SAMSN1: variants seen among roughly 807,000 people sequenced by gnomAD.
The protein encoded by SAMSN1 is SAM domain, SH3 domain and nuclear localization signals 1, also known as SAM domain-containing protein SAMSN-1.
Under a neutral mutation model 42.0 loss-of-function variants are expected in SAMSN1, and 31 were observed. That is an observed-to-expected ratio of 0.74 (90% confidence interval 0.55 to 1.00). The LOEUF is 1.00. SAMSN1 is among the 50% of genes least tolerant of loss of function. SAMSN1 has a pLI of 0.00. For synonymous variants in SAMSN1, 178 were observed against 151.9 expected, an observed-to-expected ratio of 1.17 and a Z score of -1.26; for missense variants, 464 against 439.4, an observed-to-expected ratio of 1.06 and a Z score of -0.50.
chr21:14,529,551 T>G (rs771321750), intron 1 of SAMSN1, among the ~76,000 whole-genome samples: 1 of 152,252 alleles, frequency 6.6e-6, no homozygotes, highest in Admixed American at 6.5e-5. Flanking sequence ...GTGGCTTCTA[T>G]GGCTCAACTT....
intron 1 of SAMSN1, among the ~76,000 whole-genome samples, chr21:14,528,765 C>T (rs1023580520): frequency 6.6e-6 from 1 of 152,130 alleles, no homozygotes; most frequent in African/African-American, 2.4e-5. Context: ...CAAATTCTTG[C>T]CCCTCTAATC....
At position 14,642,309 on chromosome 21, in the gene SAMSN1, T is replaced by C. The variant is rs150987698; in HGVS notation, c.156+693A>G. On this transcript the variant is annotated intron_variant, in intron 2 of 15. Coordinates refer to the SAMSN1 transcript ENST00000647101. ...TGTATAATGCAGAGAACTCTATCTC[T>C]AGTAATTTTAAAGATAATTCACAGA... 3.3e-5 allele frequency among the ~76,000 whole-genome samples: 5 copies of C among 152,332 alleles called. No individual in the cohort carries two copies. In the East Asian group the frequency reaches 9.6e-4, roughly 29 times the overall value.
chr21:14,513,912 C>T (rs1204757826), intron 3 of SAMSN1, among the ~76,000 whole-genome samples: 1 of 152,126 alleles, frequency 6.6e-6, no homozygotes, highest in African/African-American at 2.4e-5. Context: ...ACTGGAGCCA[C>T]ATCAAGAAAA....
At chr21:14,643,572 A>G (rs974224440) in intron 1 of SAMSN1, among the ~76,000 whole-genome samples, 5 of 152,162 alleles carry the variant, frequency 3.3e-5, no homozygotes, top group Non-Finnish European at 7.4e-5. Flanking sequence ...AGCTTTCTCA[A>G]CTGTAAAGTA....
intron 2 of SAMSN1, among the ~76,000 whole-genome samples, chr21:14,578,789 A>G (rs1981595876): frequency 6.6e-6 from 1 of 150,900 alleles, no homozygotes; most frequent in Admixed American, 6.6e-5. Context: ...TTCCCATGAA[A>G]TGTGGGGTTT....
chr21:14,612,739 T>C (rs896960508), intron 4 of SAMSN1: 8 of 659,794 alleles, frequency 1.2e-5, no homozygotes, highest in Non-Finnish European at 2.0e-5. Context: ...TTAAAAAATG[T>C]TCTTCTATAT....
intron 5 of SAMSN1, among the ~76,000 whole-genome samples, chr21:14,505,897 A>T (rs902705653): frequency 6.6e-6 from 1 of 152,130 alleles, no homozygotes; most frequent in African/African-American, 2.4e-5. Context: ...TATATCAAGC[A>T]CTCTTTCAGA....
At chr21:14,506,640 T>C (rs1353668381) in intron 5 of SAMSN1, among the ~76,000 whole-genome samples, 1 of 152,122 alleles carries the variant, frequency 6.6e-6, no homozygotes, top group African/African-American at 2.4e-5. Flanking sequence ...ACCAATCCTA[T>C]TGACACTATC....
chr21:14,619,687 A>T (rs753309393), intron 2 of SAMSN1: 1 of 322,212 alleles, frequency 3.1e-6, no homozygotes, highest in South Asian at 2.7e-5. Flanking sequence ...ATAACAAAAG[A>T]GAGATTAGCA....
chr21:14,628,146 G>T (rs1983232069), intron 2 of SAMSN1, among the ~76,000 whole-genome samples: 1 of 152,182 alleles, frequency 6.6e-6, no homozygotes, highest in South Asian at 2.1e-4. Flanking sequence ...CCAATCAATG[G>T]GATAGGAGAT....
chr21:14,557,935 C>G (rs1980816863), intron 2 of SAMSN1, among the ~76,000 whole-genome samples: 1 of 152,172 alleles, frequency 6.6e-6, no homozygotes, highest in African/African-American at 2.4e-5. Context: ...TTCAGGCCAC[C>G]TGTCCGTGGA....
At chr21:14,576,126 G>C (rs1045407553) in intron 2 of SAMSN1, among the ~76,000 whole-genome samples, 10 of 152,150 alleles carry the variant, frequency 6.6e-5, no homozygotes, top group African/African-American at 1.9e-4. Flanking sequence ...GGAAGATTAG[G>C]TGAATGAGTT....
chr21:14,650,476 T>A (rs1351515882), intron 1 of SAMSN1, among the ~76,000 whole-genome samples: 3 of 152,022 alleles, frequency 2.0e-5, no homozygotes, highest in Admixed American at 2.0e-4. Context: ...GGAAAATTTC[T>A]TGAAAGAAAT....
rs547600232 is a variant in SAMSN1, at chr21:14,647,237, T to C, written c.25-4104A>G. ...AGTTTTCCCAGCACCATTTATTAAA[T>C]AGGGAATCCTTTCCCCATTGCTTGT... On this transcript the variant is annotated intron_variant, in intron 1 of 15. Coordinates refer to the SAMSN1 transcript ENST00000647101. Among the ~76,000 whole-genome samples, 4 of 152,258 alleles carry C rather than the reference T, an allele frequency of 2.6e-5. No individual in the cohort carries two copies. In the East Asian group the frequency reaches 7.7e-4, roughly 29 times the overall value.
chr21:14,500,261 A>G (rs1424791368), intron 6 of SAMSN1, among the ~76,000 whole-genome samples: 1 of 151,868 alleles, frequency 6.6e-6, no homozygotes, highest in Non-Finnish European at 1.5e-5. Context: ...TCTCCTAGAT[A>G]TTTTTCATTT....
At chr21:14,642,153 G>C (rs1983612283) in intron 2 of SAMSN1, among the ~76,000 whole-genome samples, 1 of 152,148 alleles carries the variant, frequency 6.6e-6, no homozygotes, top group African/African-American at 2.4e-5. Context: ...TGTGGCGAAA[G>C]AAAATCTGTG....
At chr21:14,519,622 T>C (rs1978331689) in intron 2 of SAMSN1, among the ~76,000 whole-genome samples, 1 of 152,102 alleles carries the variant, frequency 6.6e-6, no homozygotes. Flanking sequence ...AGTTTACTCA[T>C]AAATGTGAAT....
intron 2 of SAMSN1, among the ~76,000 whole-genome samples, chr21:14,555,610 C>T (rs1298915515): frequency 6.6e-6 from 1 of 152,150 alleles, no homozygotes; most frequent in Non-Finnish European, 1.5e-5. Context: ...CCCATTCTTA[C>T]ATGTAAGTGA....
rs201460166 is a variant in SAMSN1 at position 14,493,574 on chromosome 21, AACACACACACAC to A, written c.919+4856_919+4867del. Among the ~76,000 whole-genome samples, 730 of 102,316 alleles carry A rather than the reference AACACACACACAC, an allele frequency of 7.1e-3. 5 individuals are homozygous for A. Among genetic ancestry groups the A allele is most frequent in the African/African-American group, 0.019 (682 of 35,216 alleles). The allele number at this position is 102,316 out of a possible 152,430, so 67.1% of individuals were successfully genotyped here. ...GCCTTGAAGATTGTGTTTATGGAAC[AACACACACACAC>A]ACACACACACACACACACACACACA... On this transcript the variant is annotated intron_variant, in intron 7 of 7. Transcript: ENST00000400566.
Sources: allele counts gnomAD v4.1 joint callset (sites outside exome capture counted in the v4.1 genomes callset), GRCh38; gene constraint gnomAD v4.1.1; transcripts MANE v1.5; gene names NCBI Gene and HGNC (gene_info 2026-07-23, HGNC 2026-07-21).